The following ZMIZ1 variants were observed in gnomAD, a reference collection of about 807,000 sequenced individuals.
The protein encoded by ZMIZ1 is zinc finger MIZ domain-containing protein 1.
Under a neutral mutation model 113.9 loss-of-function variants are expected in ZMIZ1, and 17 were observed. That is an observed-to-expected ratio of 0.15 (90% CI 0.10 to 0.22). ZMIZ1 has a LOEUF of 0.22. Ranked by LOEUF, ZMIZ1 falls within the 10% of genes least tolerant of loss-of-function variation. The pLI, the probability that ZMIZ1 is intolerant of heterozygous loss-of-function variation, is 1.00. For missense variants in ZMIZ1, 1,059 were observed against 1,477.8 expected (o/e 0.72, Z 4.65); for synonymous variants, 607 against 603.1 (o/e 1.01, Z -0.09).
At chr10:79,129,767 G>C (rs1161007956) in intron 2 of ZMIZ1, among the ~76,000 whole-genome samples, 1 of 152,228 alleles carries the variant, frequency 6.6e-6, no homozygotes, top group East Asian at 1.9e-4. Flanking sequence ...AGGGCAGAGC[G>C]AGCCCCTGCC....
chr10:79,164,366 C>T (rs966856248), intron 4 of ZMIZ1, among the ~76,000 whole-genome samples: 5 of 152,192 alleles, frequency 3.3e-5, no homozygotes, highest in Non-Finnish European at 7.3e-5. Flanking sequence ...CGTCTTAGTC[C>T]CTGGCACAGA....
chr10:79,088,452 A>G (rs527777498), intron 1 of ZMIZ1, among the ~76,000 whole-genome samples: 2 of 152,334 alleles, frequency 1.3e-5, no homozygotes, highest in South Asian at 4.1e-4. Context: ...TCTGCTGGGT[A>G]AACATGGGTG....
chr10:79,129,955 C>T (rs1248390244), intron 2 of ZMIZ1, among the ~76,000 whole-genome samples: 1 of 152,224 alleles, frequency 6.6e-6, no homozygotes. Flanking sequence ...GAGCAGTGCT[C>T]CCTGGGCTCT....
intron 7 of ZMIZ1, among the ~76,000 whole-genome samples, chr10:79,246,471 G>A (rs985287669): frequency 6.6e-6 from 1 of 152,192 alleles, no homozygotes; most frequent in Non-Finnish European, 1.5e-5. Flanking sequence ...TGGGTCCCTC[G>A]GGAGAGGCTG....
At chr10:79,166,956 G>T (rs1165261744) in intron 4 of ZMIZ1, among the ~76,000 whole-genome samples, 1 of 152,268 alleles carries the variant, frequency 6.6e-6, no homozygotes, top group Non-Finnish European at 1.5e-5. Context: ...TCCTTTCACA[G>T]CCACATCACA....
intron 1 of ZMIZ1, among the ~76,000 whole-genome samples, chr10:79,098,225 C>G (rs1843238922): frequency 6.6e-6 from 1 of 152,208 alleles, no homozygotes; most frequent in Non-Finnish European, 1.5e-5. Flanking sequence ...GGCCCAGGCC[C>G]TGAAGCATGA....
chr10:79,236,064 G>C (rs1198546196), intron 7 of ZMIZ1, among the ~76,000 whole-genome samples: 1 of 152,214 alleles, frequency 6.6e-6, no homozygotes, highest in East Asian at 1.9e-4. Context: ...GATAAGTAGA[G>C]GCTCTGTCAA....
At chr10:79,226,245 G>C (rs1215681044) in intron 7 of ZMIZ1, among the ~76,000 whole-genome samples, 2 of 152,188 alleles carry the variant, frequency 1.3e-5, no homozygotes, top group East Asian at 3.9e-4. Flanking sequence ...GGTGGTCTCG[G>C]CAAGGGCAGA....
intron 8 of ZMIZ1, among the ~76,000 whole-genome samples, chr10:79,284,388 G>A (rs1389450250): frequency 6.6e-6 from 1 of 152,188 alleles, no homozygotes; most frequent in Non-Finnish European, 1.5e-5. Context: ...GGCTGGTGAA[G>A]GGAAGGCAGA....
At chr10:79,213,704 C>T (rs772390002) in intron 6 of ZMIZ1, among the ~76,000 whole-genome samples, 1 of 152,198 alleles carries the variant, frequency 6.6e-6, no homozygotes, top group Admixed American at 6.6e-5. Context: ...GAAGTTATGG[C>T]GTTAACCCTT....
Position 79,316,341 on chromosome 10 carries a change from A to G in ZMIZ1, c.*3592A>G, listed in dbSNP as rs1274075152. The stretch of plus-strand genomic sequence containing the variant: ...TAGTTAGATGATGTGACAACCTCTA[A>G]TATTTATCTAATAAATATGTATTCA... On this transcript the variant is annotated 3_prime_UTR_variant, in exon 25 of 25. Coordinates refer to ENST00000334512, the MANE Select transcript of ZMIZ1 (RefSeq NM_020338.4). The G allele has an allele frequency of 6.5e-6, 1 of 152,756 alleles. No homozygotes were observed. The highest frequency in any genetic ancestry group is 1.9e-4 in the East Asian group (1 of 5,344). 9.5% of individuals were successfully genotyped at this position (152,756 alleles called of 1,614,324 possible).
intron 2 of ZMIZ1, among the ~76,000 whole-genome samples, chr10:79,123,851 G>A (rs1844403732): frequency 6.6e-6 from 1 of 152,204 alleles, no homozygotes; most frequent in South Asian, 2.1e-4. Flanking sequence ...CTCACAGCAG[G>A]CCTGGCCAGG....
At position 79,279,965 on chromosome 10, in the gene ZMIZ1, G is replaced by C. The variant is rs113532388; in HGVS notation, c.425+2640G>C. Among the ~76,000 whole-genome samples the C allele has an allele frequency of 2.6e-3, 389 of 151,758 alleles. 2 individuals are homozygous for C. Among genetic ancestry groups the C allele is most frequent in the African/African-American group, 9.0e-3 (373 of 41,344 alleles). On this transcript the variant is annotated intron_variant, in intron 8 of 24. Transcript: ENST00000334512. ...AGGGAGAGACCGTGCAAAGGGGAGA[G>C]GGGGAGGGAGAGGGGTATTATTATT... is the stretch of plus-strand genomic sequence containing the variant.
intron 3 of ZMIZ1, among the ~76,000 whole-genome samples, chr10:79,149,630 C>T (rs1036624997): frequency 2.6e-5 from 4 of 152,202 alleles, no homozygotes; most frequent in African/African-American, 9.7e-5. Flanking sequence ...TTTCTCTAGG[C>T]GCTGTGCCTG....
At chr10:79,261,220 A>G (rs954279353) in intron 7 of ZMIZ1, among the ~76,000 whole-genome samples, 5 of 152,196 alleles carry the variant, frequency 3.3e-5, no homozygotes, top group Non-Finnish European at 7.4e-5. Context: ...TCAGAGGCCC[A>G]TCCAGTTCGT....
At chr10:79,084,790 C>T (rs1412084623) in intron 1 of ZMIZ1, among the ~76,000 whole-genome samples, 1 of 143,458 alleles carries the variant, frequency 7.0e-6, no homozygotes, top group Non-Finnish European at 1.5e-5. Context: ...AGCGGCTGGG[C>T]TGGCCGTTGA....
intron 18 of ZMIZ1, 84 bp downstream of exon 18, chr10:79,302,296 G>A: frequency 1.4e-6 from 2 of 1,411,078 alleles, no homozygotes; most frequent in South Asian, 1.2e-5. Flanking sequence ...CATTCACCTG[G>A]AACTGACCTT....
chr10:79,296,184 C>T lies in ZMIZ1; in HGVS notation c.1231-287C>T. 2.1e-6 allele frequency: 1 copy of T among 478,608 alleles called. No homozygotes were observed. The highest frequency in any genetic ancestry group is 3.7e-6 in the Non-Finnish European group (1 of 266,700). 29.6% of individuals were successfully genotyped at this position (478,608 alleles called of 1,614,324 possible). A position where few individuals can be genotyped will look rare whatever the true frequency, so the allele number is the denominator to read the frequency against. ...TCGGGGGAGTTAGAATCAGGCCCCTCATAATGGTGTGAGCAAGAGGCTCTG... is the reference window on the plus strand; with the variant it reads ...TCGGGGGAGTTAGAATCAGGCCCCTTATAATGGTGTGAGCAAGAGGCTCTG... On this transcript the variant is annotated intron_variant, in intron 12 of 24. Coordinates refer to ENST00000334512, the MANE Select transcript of ZMIZ1 (RefSeq NM_020338.4). The surrounding 1 kb of genome is among the most constrained non-coding windows in gnomAD (Gnocchi z 4.1).
intron 7 of ZMIZ1, among the ~76,000 whole-genome samples, chr10:79,264,544 C>T (rs930716463): frequency 6.6e-6 from 1 of 152,178 alleles, no homozygotes; most frequent in Admixed American, 6.5e-5. Flanking sequence ...ATTGCCCTGC[C>T]GCCAGCAAAT....
Sources: gnomAD v4.1 joint callset for allele counts (sites outside exome capture counted in the v4.1 genomes callset) on GRCh38, gnomAD v4.1.1 for gene constraint, Gnocchi (gnomAD v3.1) non-coding constraint, MANE v1.5 for transcripts, NCBI Gene and HGNC (gene_info 2026-07-23, HGNC 2026-07-21) for gene names.